ARAP1: variants seen among roughly 807,000 people sequenced by gnomAD.
ARAP1 encodes the protein arf-GAP with Rho-GAP domain, ANK repeat and PH domain-containing protein 1.
In ARAP1, 76 loss-of-function variants were observed where a neutral mutation model predicts 172.2. The observed-to-expected ratio is 0.44, with a 90% CI of 0.37 to 0.53. The LOEUF is 0.53. Among genes scored for constraint, ARAP1 ranks in the 20% least tolerant of loss-of-function variants. The probability of loss-of-function intolerance (pLI) is 0.00; values close to 1 mark genes in which losing one functional copy is unlikely to be tolerated. For missense variants in ARAP1, 1,686 were observed against 1,977.5 expected (o/e 0.85, Z 2.80); for synonymous variants, 804 against 803.3 (o/e 1.00, Z -0.01).
rs372111341 is a variant in ARAP1 at position 72,685,663 on chromosome 11, C to T, written c.*1G>A. On this transcript the variant is annotated 3_prime_UTR_variant, in exon 35 of 35. Coordinates refer to ENST00000393609, the MANE Select transcript of ARAP1 (RefSeq NM_001040118.3). ...CTAGAGCCAAGGATGGGCTCCTGTG[C>T]TCAGACGTTGCGCAGAAGCTGCAGG... 2.9e-5 allele frequency: 46 copies of T among 1,613,980 alleles called. 1 individual carries two copies. The Middle Eastern group carries it at 4.9e-4, about 17-fold the overall frequency.
At chr11:72,709,797 T>C in intron 11 of ARAP1, 73 bp downstream of exon 11, 1 of 1,525,532 alleles carries the variant, frequency 6.6e-7, no homozygotes, top group East Asian at 2.3e-5. Context: ...AAGGGGCAGC[T>C]TCCCACGTCG....
chr11:72,732,454 A>G (rs1025647420), intron 2 of ARAP1, 61 bp downstream of exon 2: 4 of 152,408 alleles, frequency 2.6e-5, no homozygotes, highest in Non-Finnish European at 5.9e-5. Flanking sequence ...CCCCGACCTC[A>G]ATGTTAAGGC....
chr11:72,737,180 T>A (rs1858055499), intron 1 of ARAP1, among the ~76,000 whole-genome samples: 1 of 152,056 alleles, frequency 6.6e-6, no homozygotes, highest in Non-Finnish European at 1.5e-5. Flanking sequence ...TATCCTGGAG[T>A]ATCCTGAGAG....
intron 3 of ARAP1, among the ~76,000 whole-genome samples, chr11:72,716,030 G>A (rs1052289209): frequency 5.3e-5 from 8 of 151,858 alleles, no homozygotes; most frequent in East Asian, 3.9e-4. Context: ...AAAATTAGCC[G>A]GACGTGGTGG....
rs7121351 is a variant in ARAP1, at chr11:72,698,114, A to G, written c.2542-8T>C. The stretch of plus-strand genomic sequence containing the variant: ...TAGGGGAGGCACGAATGCCTGGCAG[A>G]GAGGCGCCGGGGGAGACAGCATCAG... On this transcript the variant is annotated splice_region_variant and splice_polypyrimidine_tract_variant and intron_variant, in intron 18 of 34. Transcript: ENST00000393609. 0.09 allele frequency: 141,701 copies of G among 1,582,456 alleles called. 7,064 individuals are homozygous for G. Among genetic ancestry groups the G allele is most frequent in the Middle Eastern group, 0.22 (1,287 of 5,958 alleles).
chr11:72,733,686 T>C (rs1226675001), intron 1 of ARAP1, among the ~76,000 whole-genome samples: 1 of 152,230 alleles, frequency 6.6e-6, no homozygotes, highest in Non-Finnish European at 1.5e-5. Context: ...TGCTGTGCTC[T>C]GCATAATGGC....
At chr11:72,711,191 C>T in intron 8 of ARAP1, 50 bp from the exon 9 acceptor site, 3 of 1,605,952 alleles carry the variant, frequency 1.9e-6, no homozygotes, top group South Asian at 1.1e-5. Flanking sequence ...CTCGCTGACT[C>T]CCCCAGCCTC....
At chr11:72,732,948 A>G (rs538438447) in intron 1 of ARAP1, among the ~76,000 whole-genome samples, 47 of 152,136 alleles carry the variant, frequency 3.1e-4, no homozygotes, top group Non-Finnish European at 8.8e-5. Context: ...GAGCCACTAC[A>G]CTCCAGCCTG....
In ARAP1 at chr11:72,726,774, G is replaced by A; in HGVS notation, c.355C>T (p.Pro119Ser). Residue 119 changes from proline to serine, a missense_variant, in exon 3 of 35, where the codon CCC (proline) becomes TCC (serine). Pro to Ser is a moderately conservative substitution (Grantham distance 74). Coordinates refer to ENST00000393609, the MANE Select transcript of ARAP1 (RefSeq NM_001040118.3). The surrounding 1 kb of genome is among the most constrained non-coding windows in gnomAD (Gnocchi z 6.5). ...EGLPAAPPIPPRRSCLPPTCF... is the reference protein window; with the variant it reads ...EGLPAAPPIPSRRSCLPPTCF... ...GTGGGCGGAAGGCAGCTCCTCCGGG[G>A]CGGGATGGGTGGGGCAGCGGGGAGC... The A allele has an allele frequency of 1.3e-6, 2 of 1,549,312 alleles. No individual in the cohort carries two copies. Among genetic ancestry groups the A allele is most frequent in the East Asian group, 2.4e-5 (1 of 40,980 alleles).
intron 13 of ARAP1, 144 bp from the exon 14 acceptor site, chr11:72,704,478 G>A: frequency 2.2e-6 from 2 of 925,552 alleles, no homozygotes; most frequent in Non-Finnish European, 1.6e-6. Context: ...GGTGAGGACA[G>A]CCTGGCCTGC....
Position 72,687,456 on chromosome 11 carries a change from T to C in ARAP1, c.4168A>G (p.Thr1390Ala). The change falls in exon 33 of 35, where the codon ACC (threonine) becomes GCC (alanine). Residue 1390 changes from threonine (T) to alanine (A), a missense_variant. This residue lies in a region of ARAP1 where 379 missense variants were observed against 500.1 expected (regional missense o/e 0.76). Transcript: ENST00000393609. ...TQMELREWFA[T>A]FLFVQHDGLV... ...CCTGGTACCTGCACAAACAGAAAGG[T>C]AGCGAACCACTCCCGGAGCTCCATC... is the stretch of plus-strand genomic sequence containing the variant. The C allele has an allele frequency of 6.2e-7, 1 of 1,614,040 alleles. No individual in the cohort carries two copies. The highest frequency in any genetic ancestry group is 8.5e-7 in the Non-Finnish European group (1 of 1,179,988).
chr11:72,718,602 C>T (rs1857383038), intron 3 of ARAP1, among the ~76,000 whole-genome samples: 1 of 152,090 alleles, frequency 6.6e-6, no homozygotes, highest in East Asian at 1.9e-4. Context: ...CGCACTGCAG[C>T]TCCCTCTCCC....
chr11:72,694,935 C>T (rs369110604), intron 27 of ARAP1, 45 bp downstream of exon 27: 36 of 1,563,302 alleles, frequency 2.3e-5, no homozygotes, highest in Non-Finnish European at 3.1e-5. Context: ...ACAGCTGAGA[C>T]AAGACAAGCC....
chr11:72,698,127 G>A (rs1329974380), intron 18 of ARAP1, 21 bp from the exon 19 acceptor site: 2 of 1,566,870 alleles, frequency 1.3e-6, no homozygotes, highest in Admixed American at 1.9e-5. Context: ...GGCGCCGGGG[G>A]AGACAGCATC....
At chr11:72,716,881 G>A (rs992115703) in intron 3 of ARAP1, among the ~76,000 whole-genome samples, 1 of 152,202 alleles carries the variant, frequency 6.6e-6, no homozygotes, top group Non-Finnish European at 1.5e-5. Flanking sequence ...GGGAATCTGG[G>A]GCCAAGGGGT....
rs1221533321 is a variant in ARAP1 at position 72,703,090 on chromosome 11, G to A, written c.1993-11C>T. On this transcript the variant is annotated splice_polypyrimidine_tract_variant and intron_variant, in intron 14 of 34. Coordinates refer to ENST00000393609, the MANE Select transcript of ARAP1 (RefSeq NM_001040118.3). Reference sequence around the variant, plus strand: ...TGCAGCACACAGGGCCTAGGAAGAGGCAGGGGAGGGTCAGCCCAAGAAGGA... The same window carrying A: ...TGCAGCACACAGGGCCTAGGAAGAGACAGGGGAGGGTCAGCCCAAGAAGGA... 1 of 1,544,856 alleles carries A rather than the reference G, an allele frequency of 6.5e-7. No individual in the cohort carries two copies. Among genetic ancestry groups the A allele is most frequent in the South Asian group, 1.2e-5 (1 of 83,590 alleles).
At position 72,695,323 on chromosome 11, in the gene ARAP1, T is replaced by A. The variant is rs2135501607; in HGVS notation, c.3576+64A>T. ...GGTAGAAGCACTGCTCCCCTGGCCA[T>A]CTGAGCCTGTACCTGGCCCAGCCTG... On this transcript the variant is annotated intron_variant, in intron 26 of 34. Transcript: ENST00000393609. This position sits in a 1 kb window ranked among gnomAD's most constrained non-coding sequence, Gnocchi z 4.4. 1.9e-6 allele frequency: 3 copies of A among 1,603,394 alleles called. No homozygotes were observed. Among genetic ancestry groups the A allele is most frequent in the East Asian group, 2.2e-5 (1 of 44,824 alleles).
rs369734949 is a variant in ARAP1 at position 72,705,282 on chromosome 11, T to G, written c.1809+523A>C. The G allele has an allele frequency of 4.5e-5, 7 of 155,036 alleles. No individual in the cohort carries two copies. The South Asian group carries it at 1.4e-3, about 30-fold the overall frequency. The allele number at this position is 155,036 out of a possible 1,614,324, so 9.6% of individuals were successfully genotyped here. A position where few individuals can be genotyped will look rare whatever the true frequency, so the allele number is the denominator to read the frequency against. ...ACCCACTGGTACATGTGAGTTCACA[T>G]GAAATGGAGGCTGAGGGCCTCTGAG... On this transcript the variant is annotated intron_variant, in intron 13 of 34. Coordinates refer to ENST00000393609, the MANE Select transcript of ARAP1 (RefSeq NM_001040118.3).
Position 72,712,561 on chromosome 11 carries a change from G to A in ARAP1, c.755C>T (p.Pro252Leu). Residue 252 changes from proline to leucine, a missense_variant, in exon 6 of 35, where the codon CCC becomes CTC. Around this residue, in one of 5 missense-constraint regions of ARAP1, gnomAD observed 155 missense variants for 129.2 expected, o/e 1.20. Coordinates refer to ENST00000393609, the MANE Select transcript of ARAP1 (RefSeq NM_001040118.3). ...PARVMTKKEE[P>L]PPSRVPRAVR... Reference sequence around the variant, plus strand: ...GGCCCGTGGGACTCGGCTCGGTGGGGGCTCCTCCTGCCCCCGAGACCCACT... The same window carrying A: ...GGCCCGTGGGACTCGGCTCGGTGGGAGCTCCTCCTGCCCCCGAGACCCACT... The A allele has an allele frequency of 1.2e-6, 2 of 1,612,392 alleles. No homozygotes were observed. The highest frequency in any genetic ancestry group is 2.2e-5 in the East Asian group (1 of 44,834).
Sources: allele counts gnomAD v4.1 joint callset (sites outside exome capture counted in the v4.1 genomes callset), GRCh38; gene constraint gnomAD v4.1.1; regional missense constraint gnomAD v4.1.1; non-coding constraint Gnocchi (gnomAD v3.1); transcripts MANE v1.5; gene names NCBI Gene and HGNC (gene_info 2026-07-23, HGNC 2026-07-21).